The following WDFY3 variants were observed in gnomAD, a reference collection of about 807,000 sequenced individuals.
WDFY3 encodes WD repeat and FYVE domain-containing protein 3.
In WDFY3, 66 loss-of-function variants were observed where a neutral mutation model predicts 409.6. The observed-to-expected ratio is 0.16, with a 90% confidence interval of 0.13 to 0.20. The LOEUF is 0.20. WDFY3 is among the 10% of genes least tolerant of loss of function. WDFY3 has a pLI of 1.00. For synonymous variants in WDFY3, 1,521 were observed against 1,537.1 expected, an observed-to-expected ratio of 0.99 and a Z score of 0.25; for missense variants, 3,031 against 4,298.1, an observed-to-expected ratio of 0.71 and a Z score of 8.24.
At chr4:84,872,890 T>TA (rs1356073768) in intron 3 of WDFY3, among the ~76,000 whole-genome samples, 2 of 152,192 alleles carry the variant, frequency 1.3e-5, no homozygotes, top group African/African-American at 4.8e-5. Context: ...GTAGCTAAAT[T>TA]AATTTTACAA....
Position 84,868,111 on chromosome 4 carries a change from T to G in WDFY3, c.-31-7489A>C, listed in dbSNP as rs1761657088. On this transcript the variant is annotated intron_variant, in intron 3 of 67. Coordinates refer to ENST00000295888, the MANE Select transcript of WDFY3 (RefSeq NM_014991.6). Reference sequence around the variant, plus strand: ...TTGAACCCAGGAGGAGGTGGAGCTTTAAGTGAGCCGAGATCATGCCACTGC... The same window carrying G: ...TTGAACCCAGGAGGAGGTGGAGCTTGAAGTGAGCCGAGATCATGCCACTGC... Among the ~76,000 whole-genome samples the G allele has an allele frequency of 2.9e-5, 4 of 138,652 alleles. No homozygotes were observed. The South Asian group carries it at 6.7e-4, about 23-fold the overall frequency. 91.0% of individuals were successfully genotyped at this position (138,652 alleles called of 152,430 possible).
At chr4:84,905,772 C>G (rs935903075) in intron 2 of WDFY3, among the ~76,000 whole-genome samples, 20 of 152,276 alleles carry the variant, frequency 1.3e-4, no homozygotes, top group Non-Finnish European at 4.4e-5. Context: ...ACCTTTCAAA[C>G]TTCATTCCAC....
chr4:84,935,046 T>C (rs369962340), intron 1 of WDFY3, among the ~76,000 whole-genome samples: 2 of 151,728 alleles, frequency 1.3e-5, no homozygotes, highest in Admixed American at 6.6e-5. Context: ...TTGCATATAG[T>C]TGTAGTTCAT....
intron 67 of WDFY3, among the ~76,000 whole-genome samples, chr4:84,676,763 A>G (rs1397778131): frequency 6.6e-6 from 1 of 152,240 alleles, no homozygotes; most frequent in Non-Finnish European, 1.5e-5. Context: ...CAAAAACAGT[A>G]TAGTACGTAA....
intron 36 of WDFY3, among the ~76,000 whole-genome samples, chr4:84,746,189 T>C (rs947812829): frequency 6.6e-4 from 99 of 149,028 alleles, no homozygotes; most frequent in Non-Finnish European, 1.2e-3. Flanking sequence ...TGGTGGTGTG[T>C]GCCGGTAGTC....
At chr4:84,809,337 G>A in intron 14 of WDFY3, 1 of 150,184 alleles carries the variant, frequency 6.7e-6, no homozygotes, top group Non-Finnish European at 1.5e-5. Flanking sequence ...GCCTAGCACA[G>A]TGACTTGGCA....
chr4:84,920,431 G>A (rs1418688231), intron 2 of WDFY3, among the ~76,000 whole-genome samples: 1 of 152,140 alleles, frequency 6.6e-6, no homozygotes, highest in East Asian at 1.9e-4. Context: ...ATGGCTAAAT[G>A]AAAAGAATAA....
At chr4:84,783,896 C>CAT (rs1337972192) in intron 24 of WDFY3, among the ~76,000 whole-genome samples, 1 of 151,674 alleles carries the variant, frequency 6.6e-6, no homozygotes, top group Non-Finnish European at 1.5e-5. Context: ...CACACACACA[C>CAT]ACAAAAGCTC....
At chr4:84,933,691 G>A (rs186275925) in intron 1 of WDFY3, among the ~76,000 whole-genome samples, 1 of 151,606 alleles carries the variant, frequency 6.6e-6, no homozygotes, top group African/African-American at 2.4e-5. Context: ...ACCCTGCCCA[G>A]CTTCTGGTAA....
chr4:84,865,807 C>T (rs2150257437), intron 3 of WDFY3, among the ~76,000 whole-genome samples: 1 of 152,290 alleles, frequency 6.6e-6, no homozygotes, highest in African/African-American at 2.4e-5. Flanking sequence ...CAGTAGCTCA[C>T]ACCTGAAATT....
intron 7 of WDFY3, among the ~76,000 whole-genome samples, chr4:84,836,061 A>C (rs756593138): frequency 3.9e-5 from 6 of 152,218 alleles, no homozygotes; most frequent in Non-Finnish European, 8.8e-5. Context: ...AACTGTTTTA[A>C]GAGTGTGGTA....
At chr4:84,910,069 A>T (rs1314689030) in intron 2 of WDFY3, among the ~76,000 whole-genome samples, 1 of 152,218 alleles carries the variant, frequency 6.6e-6, no homozygotes, top group Non-Finnish European at 1.5e-5. Flanking sequence ...AAATATTCAG[A>T]AAAAACAAAT....
intron 27 of WDFY3, among the ~76,000 whole-genome samples, chr4:84,775,374 T>TA (rs897944621): frequency 1.1e-4 from 16 of 152,054 alleles, no homozygotes; most frequent in Non-Finnish European, 2.1e-4. Flanking sequence ...CTCCATATGC[T>TA]AAAGAATGTA....
chr4:84,951,384 G>C (rs939241929), intron 1 of WDFY3, among the ~76,000 whole-genome samples: 2 of 152,148 alleles, frequency 1.3e-5, no homozygotes, highest in African/African-American at 4.8e-5. Flanking sequence ...GAAGAAAACA[G>C]ATTATCTGAT....
intron 1 of WDFY3, among the ~76,000 whole-genome samples, chr4:84,947,210 G>A (rs1024338255): frequency 3.3e-5 from 5 of 151,802 alleles, no homozygotes; most frequent in African/African-American, 1.2e-4. Flanking sequence ...CTAGGAAGAA[G>A]GTATAAAAAT....
In WDFY3 at chr4:84,751,662, C is replaced by G. The variant is rs1372472837; in HGVS notation, c.5794G>C (p.Ala1932Pro). The G allele has an allele frequency of 6.2e-7, 1 of 1,614,030 alleles. No homozygotes were observed. Among genetic ancestry groups the G allele is most frequent in the Non-Finnish European group, 8.5e-7 (1 of 1,180,032 alleles). The change falls in exon 36 of 68, where the codon GCA becomes CCA. Residue 1932 changes from alanine to proline, a missense_variant. Ala to Pro is a conservative substitution (Grantham distance 27, BLOSUM62 -1). Coordinates refer to ENST00000295888, the MANE Select transcript of WDFY3 (RefSeq NM_014991.6). ...GSPAEEFKAFAADTGMNRSQS... is the reference protein window; with the variant it reads ...GSPAEEFKAFPADTGMNRSQS... ...CTCCTGTTCATCCCTGTGTCTGCTG[C>G]AAACGCTTTAAACTCTTCTGCTGGA... is the stretch of plus-strand genomic sequence containing the variant.
At chr4:84,922,002 A>G (rs1337658899) in intron 2 of WDFY3, among the ~76,000 whole-genome samples, 1 of 151,786 alleles carries the variant, frequency 6.6e-6, no homozygotes. Flanking sequence ...GCATCAATAT[A>G]TAACTATACA....
chr4:84,735,439 C>T (rs889587554), intron 42 of WDFY3, among the ~76,000 whole-genome samples: 8 of 152,142 alleles, frequency 5.3e-5, no homozygotes, highest in African/African-American at 1.9e-4. Context: ...GGTAAGAAGA[C>T]TCACACATTT....
intron 1 of WDFY3, among the ~76,000 whole-genome samples, chr4:84,946,997 C>T (rs548843859): frequency 1.3e-5 from 2 of 151,340 alleles, no homozygotes; most frequent in Admixed American, 6.6e-5. Flanking sequence ...TTAGTAGATA[C>T]GGAGTTTCAC....
Sources: gnomAD v4.1 joint callset for allele counts (sites outside exome capture counted in the v4.1 genomes callset) on GRCh38, gnomAD v4.1.1 for gene constraint, MANE v1.5 for transcripts, NCBI Gene and HGNC (gene_info 2026-07-23, HGNC 2026-07-21) for gene names.